FMNL2: variants seen among roughly 807,000 people sequenced by gnomAD.
The protein encoded by FMNL2 is formin-like protein 2.
Under a neutral mutation model 130.2 loss-of-function variants are expected in FMNL2, and 51 were observed. That is an observed-to-expected ratio of 0.39 (90% CI 0.31 to 0.49). FMNL2 has a LOEUF of 0.49. Ranked by LOEUF, FMNL2 falls within the 20% of genes least tolerant of loss-of-function variation. FMNL2 has a pLI of 0.85. For missense variants in FMNL2, 977 were observed against 1,316.2 expected, an observed-to-expected ratio of 0.74 and a Z score of 3.99; for synonymous variants, 465 against 467.1, an observed-to-expected ratio of 1.00 and a Z score of 0.06.
intron 6 of FMNL2, among the ~76,000 whole-genome samples, chr2:152,563,280 A>G (rs1200891874): frequency 6.6e-6 from 1 of 152,224 alleles, no homozygotes; most frequent in African/African-American, 2.4e-5. Context: ...CTAAGAAACC[A>G]ATACCACATT....
chr2:152,391,397 A>G (rs1283595722), intron 1 of FMNL2, among the ~76,000 whole-genome samples: 2 of 152,238 alleles, frequency 1.3e-5, no homozygotes, highest in Admixed American at 6.5e-5. Flanking sequence ...AGTAAAGCAT[A>G]ACTGAAGGCA....
intron 1 of FMNL2, among the ~76,000 whole-genome samples, chr2:152,401,898 C>CTTTTTTTTTTTTTTT (rs70974858): frequency 1.3e-5 from 1 of 78,556 alleles, no homozygotes. Flanking sequence ...TGTGTTTAAT[C>CTTTTTTTTTTTTTTT]TTTTTTTTTT....
chr2:152,500,753 C>G (rs1002120794), intron 1 of FMNL2, among the ~76,000 whole-genome samples: 1 of 152,106 alleles, frequency 6.6e-6, no homozygotes, highest in Admixed American at 6.5e-5. Flanking sequence ...GAGACTGAGG[C>G]AGGGGAATCA....
intron 1 of FMNL2, among the ~76,000 whole-genome samples, chr2:152,441,460 C>T (rs1293086440): frequency 1.3e-5 from 2 of 151,438 alleles, no homozygotes; most frequent in African/African-American, 2.4e-5. Flanking sequence ...TTCTTGAGCC[C>T]GTGAGTTTGA....
intron 1 of FMNL2, among the ~76,000 whole-genome samples, chr2:152,353,475 T>C (rs990853314): frequency 6.6e-6 from 1 of 152,202 alleles, no homozygotes; most frequent in Non-Finnish European, 1.5e-5. Context: ...CATCAGAAAG[T>C]AAGTATATGT....
chr2:152,546,171 G>A (rs1248293213), intron 3 of FMNL2, among the ~76,000 whole-genome samples: 4 of 152,174 alleles, frequency 2.6e-5, no homozygotes, highest in African/African-American at 4.8e-5. Context: ...AGCAGAAGGC[G>A]GCATTAGGGG....
At position 152,648,070 on chromosome 2, in the gene FMNL2, C is replaced by G. The variant is rs1188120861; in HGVS notation, c.*165C>G. 3.3e-6 allele frequency: 2 copies of G among 605,858 alleles called. No individual in the cohort carries two copies. Among genetic ancestry groups the G allele is most frequent in the Non-Finnish European group, 5.7e-6 (2 of 353,152 alleles). 37.5% of individuals were successfully genotyped at this position (605,858 alleles called of 1,614,324 possible). ...TTTTAAAATGAGCTCTCCTTTCAAC[C>G]CTTGTTAACAAGTGCCTAAAAATGG... is the stretch of plus-strand genomic sequence containing the variant. On this transcript the variant is annotated 3_prime_UTR_variant, in exon 26 of 26. Transcript: ENST00000288670.
At chr2:152,440,384 A>C (rs1687990913) in intron 1 of FMNL2, among the ~76,000 whole-genome samples, 1 of 152,190 alleles carries the variant, frequency 6.6e-6, no homozygotes, top group Non-Finnish European at 1.5e-5. Flanking sequence ...AAAAAACCAA[A>C]ATCTCACAGT....
At chr2:152,460,388 C>G (rs915170882) in intron 1 of FMNL2, among the ~76,000 whole-genome samples, 6 of 152,160 alleles carry the variant, frequency 3.9e-5, no homozygotes, top group Non-Finnish European at 8.8e-5. Flanking sequence ...AAGTTCTTAC[C>G]GTATGCCTTG....
intron 1 of FMNL2, among the ~76,000 whole-genome samples, chr2:152,499,595 T>C (rs1163822123): frequency 6.6e-6 from 1 of 152,224 alleles, no homozygotes; most frequent in Non-Finnish European, 1.5e-5. Flanking sequence ...GATAGGTCAC[T>C]CAAGGCTTAG....
rs775409840 is a variant in FMNL2, at chr2:152,619,545, C to CGCT, written c.1666_1667insTGC (p.Pro555_Pro556insLeu). The CGCT allele has an allele frequency of 1.7e-5, 24 of 1,395,972 alleles. No homozygotes were observed. The highest frequency in any genetic ancestry group is 8.4e-5 in the East Asian group (3 of 35,894). 86.5% of individuals were successfully genotyped at this position (1,395,972 alleles called of 1,614,324 possible). On this transcript the variant is annotated inframe_insertion, in exon 15 of 26. Coordinates refer to ENST00000288670, the MANE Select transcript of FMNL2 (RefSeq NM_052905.4). ...CCAGTAACACCACCTATGCCACCGC[C>CGCT]GCCGCCGCCCCCTCCTCCACCTCCT...
intron 23 of FMNL2, 34 bp downstream of exon 23, chr2:152,637,708 C>G (rs756358374): frequency 1.3e-6 from 2 of 1,575,702 alleles, no homozygotes; most frequent in Admixed American, 3.4e-5. Context: ...CCTTATTTCT[C>G]AAGCAATTGC....
At chr2:152,432,440 C>G (rs1471213690) in intron 1 of FMNL2, among the ~76,000 whole-genome samples, 1 of 152,150 alleles carries the variant, frequency 6.6e-6, no homozygotes, top group Non-Finnish European at 1.5e-5. Context: ...TAAAGATGCA[C>G]CAGGAAACAC....
chr2:152,609,888 G>C (rs553945196), intron 10 of FMNL2, among the ~76,000 whole-genome samples: 10 of 152,338 alleles, frequency 6.6e-5, no homozygotes, highest in Admixed American at 6.5e-4. Context: ...CTGGGTGACA[G>C]CCATGGAGGG....
chr2:152,627,112 G>A (rs1681847098), intron 17 of FMNL2, among the ~76,000 whole-genome samples: 2 of 152,228 alleles, frequency 1.3e-5, no homozygotes, highest in African/African-American at 4.8e-5. Flanking sequence ...GGTAGAAAAT[G>A]TCAGTTTTCT....
intron 1 of FMNL2, among the ~76,000 whole-genome samples, chr2:152,453,137 G>C (rs573380034): frequency 6.6e-6 from 1 of 151,764 alleles, no homozygotes; most frequent in African/African-American, 2.4e-5. Flanking sequence ...TGGAGGCAGA[G>C]GTTGCAGCAA....
intron 2 of FMNL2, among the ~76,000 whole-genome samples, chr2:152,540,762 A>G (rs1694269772): frequency 6.6e-6 from 1 of 151,962 alleles, no homozygotes; most frequent in African/African-American, 2.4e-5. Context: ...TAGTGGGTGC[A>G]GCGCACCAGC....
intron 1 of FMNL2, among the ~76,000 whole-genome samples, chr2:152,351,620 G>A (rs1682489926): frequency 6.6e-6 from 1 of 152,202 alleles, no homozygotes; most frequent in African/African-American, 2.4e-5. Flanking sequence ...ATTTGGGTTG[G>A]TTCCAAGTCT....
chr2:152,586,847 A>G (rs115050949), intron 9 of FMNL2, among the ~76,000 whole-genome samples: 2 of 152,158 alleles, frequency 1.3e-5, no homozygotes, highest in East Asian at 1.9e-4. Flanking sequence ...TGGATACGAA[A>G]GTACCCCACA....
Sources: gnomAD v4.1 joint callset for allele counts (sites outside exome capture counted in the v4.1 genomes callset) on GRCh38, gnomAD v4.1.1 for gene constraint, MANE v1.5 for transcripts, NCBI Gene and HGNC (gene_info 2026-07-23, HGNC 2026-07-21) for gene names.